The following PDZRN3 variants were observed in gnomAD, a reference collection of about 807,000 sequenced individuals.
PDZRN3 encodes the protein E3 ubiquitin-protein ligase PDZRN3.
PDZRN3 carries 38 observed loss-of-function variants against 85.7 expected under a neutral mutation model. The observed-to-expected ratio is 0.44, with a 90% CI of 0.34 to 0.58. PDZRN3 has a LOEUF of 0.58. PDZRN3 is among the 20% of genes least tolerant of loss of function. The probability of loss-of-function intolerance (pLI) is 0.01; values close to 1 mark genes in which losing one functional copy is unlikely to be tolerated. For synonymous variants in PDZRN3, 759 were observed against 638.0 expected, an observed-to-expected ratio of 1.19 and a Z score of -2.86; for missense variants, 1,629 against 1,506.4, an observed-to-expected ratio of 1.08 and a Z score of -1.35.
chr3:73,439,842 G>A (rs968695971), intron 3 of PDZRN3, among the ~76,000 whole-genome samples: 1 of 151,904 alleles, frequency 6.6e-6, no homozygotes, highest in Non-Finnish European at 1.5e-5. Context: ...AGGTTCAAGC[G>A]ATTCTCTTGC....
intron 3 of PDZRN3, among the ~76,000 whole-genome samples, chr3:73,512,543 T>TC (rs1704186331): frequency 1.3e-5 from 2 of 152,042 alleles, no homozygotes; most frequent in Admixed American, 6.6e-5. Flanking sequence ...CTTTTTTTTT[T>TC]CCGGGGAGAA....
intron 3 of PDZRN3, among the ~76,000 whole-genome samples, chr3:73,502,565 C>T (rs1038287605): frequency 1.3e-5 from 2 of 152,158 alleles, no homozygotes; most frequent in African/African-American, 4.8e-5. Context: ...CCTTCAACTC[C>T]CTCCCTTGCC....
At chr3:73,472,309 T>G (rs1339350265) in intron 3 of PDZRN3, among the ~76,000 whole-genome samples, 1 of 152,188 alleles carries the variant, frequency 6.6e-6, no homozygotes, top group African/African-American at 2.4e-5. Flanking sequence ...GAGTAGACAT[T>G]TACTTACAGA....
At chr3:73,472,919 A>G (rs1169151222) in intron 3 of PDZRN3, among the ~76,000 whole-genome samples, 4 of 152,222 alleles carry the variant, frequency 2.6e-5, no homozygotes, top group Non-Finnish European at 4.4e-5. Flanking sequence ...ACAAATATGC[A>G]TTCAAGATAT....
At chr3:73,389,994 C>A in intron 6 of PDZRN3, 116 bp from the exon 7 acceptor site, 1 of 793,546 alleles carries the variant, frequency 1.3e-6, no homozygotes, top group South Asian at 1.4e-5. Flanking sequence ...TTCTGTTTTG[C>A]ACAGAAATAA....
intron 3 of PDZRN3, among the ~76,000 whole-genome samples, chr3:73,503,380 G>A (rs1184095981): frequency 1.3e-5 from 2 of 152,126 alleles, no homozygotes; most frequent in East Asian, 1.9e-4. Flanking sequence ...ATCTGGGAAT[G>A]CATAACCAAA....
chr3:73,416,924 C>T (rs1702103264), intron 3 of PDZRN3, among the ~76,000 whole-genome samples: 1 of 126,314 alleles, frequency 7.9e-6, no homozygotes, highest in African/African-American at 3.0e-5. Flanking sequence ...CAGAGTCTCA[C>T]TCCATCACCC....
chr3:73,592,016 CCT>C (rs923511525), intron 3 of PDZRN3, among the ~76,000 whole-genome samples: 16 of 152,142 alleles, frequency 1.1e-4, no homozygotes, highest in African/African-American at 3.6e-4. Flanking sequence ...TTTCTCTTCC[CCT>C]GTTATCCTCT....
intron 3 of PDZRN3, among the ~76,000 whole-genome samples, chr3:73,491,840 A>C (rs1024970574): frequency 6.6e-6 from 1 of 152,050 alleles, no homozygotes; most frequent in Non-Finnish European, 1.5e-5. Flanking sequence ...GCTTCAAGCA[A>C]TCCTCCTGCC....
chr3:73,441,376 A>G (rs7622686), intron 3 of PDZRN3, among the ~76,000 whole-genome samples: 29,298 of 144,190 alleles, frequency 0.2, 6,385 homozygotes, highest in African/African-American at 0.56. Context: ...TCGCACCACT[A>G]CACTTCAGTC....
chr3:73,404,523 T>G, intron 3 of PDZRN3, 128 bp from the exon 4 acceptor site: 1 of 969,318 alleles, frequency 1.0e-6, no homozygotes, highest in East Asian at 2.5e-5. Context: ...GTCAGAGAAC[T>G]TCAGTTCTCT....
chr3:73,564,417 T>A (rs937761994), intron 3 of PDZRN3, among the ~76,000 whole-genome samples: 8 of 152,190 alleles, frequency 5.3e-5, no homozygotes, highest in Non-Finnish European at 1.2e-4. Context: ...GGCCAGGATC[T>A]CAACCTCTGC....
At chr3:73,513,175 G>T (rs1377655183) in intron 3 of PDZRN3, among the ~76,000 whole-genome samples, 1 of 152,170 alleles carries the variant, frequency 6.6e-6, no homozygotes, top group Non-Finnish European at 1.5e-5. Flanking sequence ...CTTCCCAAGA[G>T]TTAAATGGGA....
At chr3:73,536,318 C>A (rs1052950447) in intron 3 of PDZRN3, among the ~76,000 whole-genome samples, 11 of 152,348 alleles carry the variant, frequency 7.2e-5, no homozygotes, top group African/African-American at 1.9e-4. Flanking sequence ...GTCCTTGTAG[C>A]CTGCCTGCAA....
chr3:73,503,010 T>C (rs1052892314), intron 3 of PDZRN3, among the ~76,000 whole-genome samples: 1 of 152,252 alleles, frequency 6.6e-6, no homozygotes, highest in African/African-American at 2.4e-5. Flanking sequence ...GGGCTGTGTA[T>C]ATGAATACTG....
intron 3 of PDZRN3, among the ~76,000 whole-genome samples, chr3:73,490,838 C>T (rs1264895754): frequency 6.6e-6 from 1 of 152,212 alleles, no homozygotes; most frequent in Non-Finnish European, 1.5e-5. Flanking sequence ...CAAAGGAATT[C>T]AAGTGACCTA....
At chr3:73,472,886 C>T (rs1436185817) in intron 3 of PDZRN3, among the ~76,000 whole-genome samples, 1 of 152,182 alleles carries the variant, frequency 6.6e-6, no homozygotes, top group African/African-American at 2.4e-5. Context: ...AAAGGAATAT[C>T]AAATTACTAT....
chr3:73,420,623 CT>C (rs1702181157), intron 3 of PDZRN3, among the ~76,000 whole-genome samples: 1 of 152,144 alleles, frequency 6.6e-6, no homozygotes, highest in South Asian at 2.1e-4. Flanking sequence ...ATAAGTTGAC[CT>C]TTCTGGATCT....
chr3:73,506,443 C>T (rs1446777616), intron 3 of PDZRN3, among the ~76,000 whole-genome samples: 1 of 152,152 alleles, frequency 6.6e-6, no homozygotes. Context: ...AGCCCAGTAA[C>T]AGGGAACATA....
Sources: gnomAD v4.1 joint callset for allele counts (sites outside exome capture counted in the v4.1 genomes callset) on GRCh38, gnomAD v4.1.1 for gene constraint, MANE v1.5 for transcripts, NCBI Gene and HGNC (gene_info 2026-07-23, HGNC 2026-07-21) for gene names.